The following DIAPH3 variants were observed in gnomAD, a reference collection of about 807,000 sequenced individuals.
The protein encoded by DIAPH3 is protein diaphanous homolog 3.
DIAPH3 carries 117 observed loss-of-function variants against 144.3 expected under a neutral mutation model. The observed-to-expected ratio is 0.81, with a 90% confidence interval of 0.70 to 0.95. The LOEUF is 0.95. Ranked by LOEUF, DIAPH3 falls within the 40% of genes least tolerant of loss-of-function variation. The pLI, the probability that DIAPH3 is intolerant of heterozygous loss-of-function variation, is 0.00. For synonymous variants in DIAPH3, 519 were observed against 488.9 expected, an observed-to-expected ratio of 1.06 and a Z score of -0.81; for missense variants, 1,421 against 1,412.7, an observed-to-expected ratio of 1.01 and a Z score of -0.09.
At chr13:59,732,948 C>T (rs190876135) in intron 27 of DIAPH3, among the ~76,000 whole-genome samples, 17 of 152,148 alleles carry the variant, frequency 1.1e-4, no homozygotes, top group Non-Finnish European at 1.6e-4. Flanking sequence ...ACCTGTAGTA[C>T]AGGTAGAAGT....
chr13:59,819,825 G>A (rs2040965695), intron 24 of DIAPH3, among the ~76,000 whole-genome samples: 1 of 151,428 alleles, frequency 6.6e-6, no homozygotes, highest in Non-Finnish European at 1.5e-5. Context: ...ATAATAAGAG[G>A]GTAGAAATTG....
intron 27 of DIAPH3, among the ~76,000 whole-genome samples, chr13:59,669,951 ATATC>A (rs774734518): frequency 1.3e-5 from 2 of 152,162 alleles, no homozygotes; most frequent in African/African-American, 4.8e-5. Context: ...CAAGGATTGC[ATATC>A]TATTTTGAAT....
chr13:59,767,261 G>A (rs969048985), intron 27 of DIAPH3, among the ~76,000 whole-genome samples: 1 of 152,094 alleles, frequency 6.6e-6, no homozygotes. Flanking sequence ...GATTCACCAA[G>A]AATTTGACAT....
chr13:60,056,303 A>T (rs2056555361), intron 4 of DIAPH3, among the ~76,000 whole-genome samples: 1 of 151,388 alleles, frequency 6.6e-6, no homozygotes. Context: ...AGCAATAGAG[A>T]CAGAGAAAGG....
chr13:59,862,000 T>A (rs938415968), intron 21 of DIAPH3, among the ~76,000 whole-genome samples: 1 of 152,256 alleles, frequency 6.6e-6, no homozygotes, highest in African/African-American at 2.4e-5. Context: ...GTGTGACAAA[T>A]AGTATAGTAA....
intron 21 of DIAPH3, among the ~76,000 whole-genome samples, chr13:59,867,017 G>A (rs928263249): frequency 6.7e-6 from 1 of 150,066 alleles, no homozygotes; most frequent in Non-Finnish European, 1.5e-5. Flanking sequence ...GTTTGTGTGT[G>A]TATTTGAGAT....
chr13:59,836,647 C>A (rs2042058243), intron 23 of DIAPH3, among the ~76,000 whole-genome samples: 1 of 151,722 alleles, frequency 6.6e-6, no homozygotes, highest in South Asian at 2.1e-4. Context: ...AAAATTGTAT[C>A]TTAATAATTT....
At chr13:59,813,099 G>C (rs2040574299) in intron 24 of DIAPH3, among the ~76,000 whole-genome samples, 1 of 151,152 alleles carries the variant, frequency 6.6e-6, no homozygotes, top group Non-Finnish European at 1.5e-5. Context: ...AGTGTCACCT[G>C]TCCCTTTCCT....
At chr13:60,060,650 C>G (rs1875064084) in intron 4 of DIAPH3, among the ~76,000 whole-genome samples, 1 of 152,064 alleles carries the variant, frequency 6.6e-6, no homozygotes, top group South Asian at 2.1e-4. Context: ...GATAGATTGT[C>G]TCATACGCCT....
At position 59,792,274 on chromosome 13, in the gene DIAPH3, T is replaced by C. The variant is rs1159551764; in HGVS notation, c.3164-17451A>G. Among the ~76,000 whole-genome samples, 3 of 152,258 alleles carry C rather than the reference T, an allele frequency of 2.0e-5. No homozygotes were observed. In the East Asian group the frequency reaches 5.8e-4, roughly 29 times the overall value. On this transcript the variant is annotated intron_variant, in intron 25 of 27. Coordinates refer to ENST00000400324, the MANE Select transcript of DIAPH3 (RefSeq NM_001042517.2). The stretch of plus-strand genomic sequence containing the variant: ...AGCTGCTATGTCAGGCTGTCACTTT[T>C]TTTTCCTCATGTAAAAAGCACCCGC...
intron 4 of DIAPH3, among the ~76,000 whole-genome samples, chr13:60,086,917 A>G (rs1594627633): frequency 6.6e-6 from 1 of 152,126 alleles, no homozygotes; most frequent in African/African-American, 2.4e-5. Flanking sequence ...ACCCCTTGGT[A>G]TCCATGGGAG....
chr13:59,879,151 A>C, intron 21 of DIAPH3, 78 bp downstream of exon 21: 1 of 1,585,188 alleles, frequency 6.3e-7, no homozygotes, highest in Non-Finnish European at 8.6e-7. Flanking sequence ...ATAAAAAAAT[A>C]TTTAAATAAT....
chr13:59,776,188 C>T (rs1414942249), intron 25 of DIAPH3, among the ~76,000 whole-genome samples: 1 of 152,152 alleles, frequency 6.6e-6, no homozygotes, highest in Non-Finnish European at 1.5e-5. Context: ...AAATAACATA[C>T]TCATTTACAG....
chr13:59,874,227 G>A (rs1367367893), intron 21 of DIAPH3, among the ~76,000 whole-genome samples: 1 of 152,080 alleles, frequency 6.6e-6, no homozygotes, highest in Admixed American at 6.6e-5. Context: ...TAATTGAACT[G>A]GTGTGGGGAC....
chr13:60,059,576 A>C (rs1326391937), intron 4 of DIAPH3, among the ~76,000 whole-genome samples: 1 of 152,016 alleles, frequency 6.6e-6, no homozygotes, highest in Admixed American at 6.6e-5. Context: ...ATATGGTGTC[A>C]CACAGGACCA....
intron 9 of DIAPH3, among the ~76,000 whole-genome samples, chr13:60,001,054 A>G (rs1484625172): frequency 1.3e-5 from 2 of 152,210 alleles, no homozygotes; most frequent in Non-Finnish European, 2.9e-5. Flanking sequence ...AAGTAAAGAC[A>G]TTGATGGTCT....
At chr13:59,845,599 T>G (rs901034490) in intron 22 of DIAPH3, among the ~76,000 whole-genome samples, 7 of 152,208 alleles carry the variant, frequency 4.6e-5, no homozygotes, top group Non-Finnish European at 7.3e-5. Flanking sequence ...ATACTGCTTA[T>G]AGTTCCCCTG....
At chr13:60,145,970 C>A (rs1432297695) in intron 1 of DIAPH3, among the ~76,000 whole-genome samples, 1 of 152,044 alleles carries the variant, frequency 6.6e-6, no homozygotes, top group Non-Finnish European at 1.5e-5. Context: ...AATTTAATTT[C>A]TTAAATTATT....
At chr13:59,721,678 C>A (rs1029534142) in intron 27 of DIAPH3, among the ~76,000 whole-genome samples, 4 of 152,122 alleles carry the variant, frequency 2.6e-5, no homozygotes, top group Non-Finnish European at 5.9e-5. Context: ...GGATACTTTT[C>A]ATTTTATGTT....
Sources: allele counts gnomAD v4.1 joint callset (sites outside exome capture counted in the v4.1 genomes callset), GRCh38; gene constraint gnomAD v4.1.1; transcripts MANE v1.5; gene names NCBI Gene and HGNC (gene_info 2026-07-23, HGNC 2026-07-21).